Variants in RORB observed in about 807,000 individuals in gnomAD.
RORB encodes nuclear receptor ROR-beta.
A neutral mutation model predicts 59.1 loss-of-function variants in RORB; 6 were observed. The ratio of observed to expected loss-of-function variants is 0.10; its 90% confidence interval spans 0.06 to 0.20. The LOEUF (loss-of-function observed/expected upper bound fraction) is 0.20, where lower values mean the gene tolerates loss of function less well. RORB is among the 10% of genes least tolerant of loss of function. The probability of loss-of-function intolerance (pLI) is 1.00; values close to 1 mark genes in which losing one functional copy is unlikely to be tolerated. For missense variants in RORB, 320 were observed against 560.5 expected (o/e 0.57, Z 4.33); for synonymous variants, 215 against 204.5 (o/e 1.05, Z -0.44).
At chr9:74,600,714 A>C (rs982762417) in intron 1 of RORB, among the ~76,000 whole-genome samples, 1 of 152,208 alleles carries the variant, frequency 6.6e-6, no homozygotes, top group African/African-American at 2.4e-5. Context: ...AATATATTGA[A>C]ATTTTTTCTT....
At chr9:74,631,505 A>C (rs1823618128) in intron 2 of RORB, among the ~76,000 whole-genome samples, 1 of 152,250 alleles carries the variant, frequency 6.6e-6, no homozygotes, top group African/African-American at 2.4e-5. Context: ...AAATATAAAC[A>C]AGGCAAAACA....
At chr9:74,558,565 C>G (rs1312531748) in intron 1 of RORB, among the ~76,000 whole-genome samples, 1 of 152,178 alleles carries the variant, frequency 6.6e-6, no homozygotes, top group African/African-American at 2.4e-5. Context: ...ATTGAACACC[C>G]TTGCATGGGT....
At chr9:74,603,490 A>G (rs1823101442) in intron 1 of RORB, among the ~76,000 whole-genome samples, 1 of 152,186 alleles carries the variant, frequency 6.6e-6, no homozygotes, top group South Asian at 2.1e-4. Flanking sequence ...AGCCCATGCC[A>G]CAAACTGGTG....
chr9:74,628,793 G>A (rs1249297833), intron 1 of RORB, among the ~76,000 whole-genome samples: 1 of 152,130 alleles, frequency 6.6e-6, no homozygotes, highest in Non-Finnish European at 1.5e-5. Flanking sequence ...CTTCTAGTGT[G>A]TATAATTTTA....
In RORB at chr9:74,660,683, A is replaced by G. The variant is rs199910289; in HGVS notation, c.704A>G (p.His235Arg). The G allele has an allele frequency of 6.2e-7, 1 of 1,613,906 alleles. No homozygotes were observed. The highest frequency in any genetic ancestry group is 1.3e-5 in the African/African-American group (1 of 74,934). Residue 235 changes from histidine (H) to arginine (R), a missense_variant, in exon 5 of 10, where the codon CAC becomes CGC. His to Arg is a conservative substitution (Grantham distance 29). This residue lies in a region of RORB where 40 missense variants were observed against 116.9 expected (regional missense o/e 0.34). Coordinates refer to ENST00000376896, the MANE Select transcript of RORB (RefSeq NM_006914.4). ...ETCQYTMEELHQLAWQTHTYE... is the reference protein window; with the variant it reads ...ETCQYTMEELRQLAWQTHTYE... Reference sequence around the variant, plus strand: ...TGTCAATACACCATGGAAGAGCTGCACCAGCTGGCGTGGCAGACCCACACC... The same window carrying G: ...TGTCAATACACCATGGAAGAGCTGCGCCAGCTGGCGTGGCAGACCCACACC...
intron 4 of RORB, among the ~76,000 whole-genome samples, chr9:74,657,395 T>A (rs1247346664): frequency 6.6e-6 from 1 of 152,082 alleles, no homozygotes; most frequent in Admixed American, 6.6e-5. Context: ...CTCACTTCTA[T>A]CCTCAGTAAA....
chr9:74,682,101 A>ATG (rs1378072408), intron 9 of RORB, among the ~76,000 whole-genome samples: 1 of 152,076 alleles, frequency 6.6e-6, no homozygotes, highest in African/African-American at 2.4e-5. Context: ...GAGTGGAAGC[A>ATG]TGACAGCTAC....
chr9:74,634,851 G>A lies in RORB; in HGVS notation c.235+79G>A, dbSNP rs1438616303. On this transcript the variant is annotated intron_variant, in intron 3 of 9. Coordinates refer to ENST00000376896, the MANE Select transcript of RORB (RefSeq NM_006914.4). ...CTGGAGTCTATTTAAGCTGCTGGAA[G>A]AATTCTAGATGAGGGAATTGGGGAT... 3 of 1,327,998 alleles carry A rather than the reference G, an allele frequency of 2.3e-6. No individual in the cohort carries two copies. In the East Asian group the frequency reaches 7.5e-5, roughly 33 times the overall value. The allele number at this position is 1,327,998 out of a possible 1,614,324, so 82.3% of individuals were successfully genotyped here. A position where few individuals can be genotyped will look rare whatever the true frequency, so the allele number is the denominator to read the frequency against.
rs538280072 is a variant in RORB at position 74,497,828 on chromosome 9, A to T, written c.-149A>T. 2.2e-4 allele frequency: 192 copies of T among 878,492 alleles called. No individual in the cohort carries two copies. Among genetic ancestry groups the T allele is most frequent in the Middle Eastern group, 1.3e-3 (6 of 4,492 alleles). 54.4% of individuals were successfully genotyped at this position (878,492 alleles called of 1,614,324 possible). ...CGGCGGCAAACGTCACCCTGCAGCC[A>T]CGGCGTCCGCCTAAAGGGATGGTTT... is the stretch of plus-strand genomic sequence containing the variant. On this transcript the variant is annotated 5_prime_UTR_variant, in exon 1 of 10. Transcript: ENST00000376896.
At chr9:74,643,745 G>GACT (rs1370962357) in intron 4 of RORB, among the ~76,000 whole-genome samples, 1 of 152,178 alleles carries the variant, frequency 6.6e-6, no homozygotes, top group Non-Finnish European at 1.5e-5. Flanking sequence ...AAGCAGGCTA[G>GACT]AGCTCAGGAA....
At position 74,634,765 on chromosome 9, in the gene RORB, A is replaced by T. The variant is rs1267153412; in HGVS notation, c.228A>T (p.Ser76=). ...AGAAGTGTCTTGCCCTAGGAATGTC[A>T]AGAGATGGTAAGACATTACCTTCCT... ...RLQKCLALGM[S]RDAVKFGRMS... is the part of the protein sequence containing the mutation. Residue 76 remains serine, a synonymous_variant, in exon 3 of 10, where the codon TCA becomes TCT. Transcript: ENST00000376896. 1 of 1,611,318 alleles carries T rather than the reference A, an allele frequency of 6.2e-7. No homozygotes were observed. Among genetic ancestry groups the T allele is most frequent in the Non-Finnish European group, 8.5e-7 (1 of 1,178,764 alleles).
intron 1 of RORB, among the ~76,000 whole-genome samples, chr9:74,567,224 A>T (rs1451503610): frequency 2.0e-5 from 3 of 152,030 alleles, no homozygotes; most frequent in Non-Finnish European, 4.4e-5. Flanking sequence ...ACGAGGTTTC[A>T]CCATGTTGCC....
rs183794243 is a variant in RORB, at chr9:74,643,592, T to G, written c.637+777T>G. 4.1e-4 allele frequency among the ~76,000 whole-genome samples: 63 copies of G among 152,318 alleles called. 1 individual carries two copies. The South Asian group carries it at 7.0e-3, about 17-fold the overall frequency. On this transcript the variant is annotated intron_variant, in intron 4 of 9. Transcript: ENST00000376896. ...TGTTTAACCAGTTAATCTCATCAAC[T>G]AACTGCCATAAAAATATTGAAGTAG... is the stretch of plus-strand genomic sequence containing the variant.
At chr9:74,675,481 C>T (rs1019440783) in intron 9 of RORB, among the ~76,000 whole-genome samples, 1 of 152,020 alleles carries the variant, frequency 6.6e-6, no homozygotes, top group African/African-American at 2.4e-5. Flanking sequence ...TGTTTGACTC[C>T]GTAAAGAGAA....
In RORB at chr9:74,674,412, G is replaced by A. The variant is rs149952923; in HGVS notation, c.1224+2511G>A. Among the ~76,000 whole-genome samples, 291 of 152,246 alleles carry A rather than the reference G, an allele frequency of 1.9e-3. 1 individual carries two copies. Among genetic ancestry groups the A allele is most frequent in the African/African-American group, 6.8e-3 (283 of 41,544 alleles). On this transcript the variant is annotated intron_variant, in intron 9 of 9. Coordinates refer to ENST00000376896, the MANE Select transcript of RORB (RefSeq NM_006914.4). ...GAATTCCAGGGGCTCCGGTGAAATCGCCAGTAGGTAGAGGATACCTCTGCT... is the reference window on the plus strand; with the variant it reads ...GAATTCCAGGGGCTCCGGTGAAATCACCAGTAGGTAGAGGATACCTCTGCT...
intron 2 of RORB, among the ~76,000 whole-genome samples, chr9:74,630,977 T>C (rs1299002547): frequency 1.5e-4 from 23 of 152,196 alleles, no homozygotes; most frequent in Admixed American, 1.5e-3. Context: ...TTATGTCATC[T>C]GATCAACATC....
At chr9:74,648,678 A>G (rs575162981) in intron 4 of RORB, among the ~76,000 whole-genome samples, 36 of 152,288 alleles carry the variant, frequency 2.4e-4, no homozygotes, top group African/African-American at 8.4e-4. Flanking sequence ...TCAAATCAGA[A>G]CCGTGCACTA....
intron 1 of RORB, among the ~76,000 whole-genome samples, chr9:74,542,487 A>G (rs1300775266): frequency 6.6e-6 from 1 of 152,200 alleles, no homozygotes; most frequent in East Asian, 1.9e-4. Context: ...CAGAAAGGCA[A>G]GGAGCTAGAA....
chr9:74,512,285 G>A (rs1468614005), intron 1 of RORB, among the ~76,000 whole-genome samples: 1 of 152,142 alleles, frequency 6.6e-6, no homozygotes, highest in African/African-American at 2.4e-5. Flanking sequence ...AGACATACCA[G>A]TTCTCAAAAT....
Sources: allele counts gnomAD v4.1 joint callset (sites outside exome capture counted in the v4.1 genomes callset), GRCh38; gene constraint gnomAD v4.1.1; regional missense constraint gnomAD v4.1.1; transcripts MANE v1.5; gene names NCBI Gene and HGNC (gene_info 2026-07-23, HGNC 2026-07-21).